Variants in FBXW7 observed in about 807,000 individuals in gnomAD.
FBXW7 encodes F-box/WD repeat-containing protein 7.
A neutral mutation model predicts 86.3 loss-of-function variants in FBXW7; 11 were observed. The observed-to-expected ratio is 0.13, with a 90% CI of 0.08 to 0.21. FBXW7 has a LOEUF of 0.21. Ranked by LOEUF, FBXW7 falls within the 10% of genes least tolerant of loss-of-function variation. The pLI is 1.00. For synonymous variants in FBXW7, 313 were observed against 297.9 expected (o/e 1.05, Z -0.52); for missense variants, 488 against 847.4 (o/e 0.58, Z 5.27).
intron 4 of FBXW7, among the ~76,000 whole-genome samples, chr4:152,354,756 C>T (rs1350698303): frequency 1.3e-5 from 2 of 152,042 alleles, no homozygotes; most frequent in Non-Finnish European, 2.9e-5. Flanking sequence ...AAAACCTGTT[C>T]CCTACAAATA....
intron 4 of FBXW7, among the ~76,000 whole-genome samples, chr4:152,391,584 T>C (rs1198219940): frequency 1.3e-5 from 2 of 152,148 alleles, no homozygotes; most frequent in Admixed American, 6.5e-5. Flanking sequence ...TCTGCAGCTA[T>C]AGGGCTTAGA....
chr4:152,528,951 T>C (rs531407685), intron 2 of FBXW7, among the ~76,000 whole-genome samples: 5 of 152,258 alleles, frequency 3.3e-5, no homozygotes, highest in African/African-American at 1.2e-4. Flanking sequence ...TGTGTGTGTG[T>C]GTGTGTGTAC....
chr4:152,429,655 C>A (rs1739714261), intron 2 of FBXW7, among the ~76,000 whole-genome samples: 1 of 152,166 alleles, frequency 6.6e-6, no homozygotes, highest in Admixed American at 6.5e-5. Context: ...GAGTTTCAAA[C>A]TTGGTAGTGA....
chr4:152,387,708 C>T (rs1193857108), intron 4 of FBXW7, among the ~76,000 whole-genome samples: 4 of 112,792 alleles, frequency 3.5e-5, no homozygotes, highest in Non-Finnish European at 4.9e-5. Flanking sequence ...CATGGCATAC[C>T]TTTTTTTTTT....
chr4:152,369,809 A>G (rs1733846649), intron 4 of FBXW7, among the ~76,000 whole-genome samples: 1 of 151,990 alleles, frequency 6.6e-6, no homozygotes, highest in African/African-American at 2.4e-5. Context: ...GTCAGACAAT[A>G]AAAATGCATT....
At chr4:152,491,856 T>C (rs1745889477) in intron 2 of FBXW7, among the ~76,000 whole-genome samples, 1 of 152,214 alleles carries the variant, frequency 6.6e-6, no homozygotes, top group Non-Finnish European at 1.5e-5. Flanking sequence ...CCCTGTCACC[T>C]AACTCAATTA....
At chr4:152,331,984 A>G (rs1024495429) in intron 8 of FBXW7, among the ~76,000 whole-genome samples, 2 of 152,036 alleles carry the variant, frequency 1.3e-5, no homozygotes, top group African/African-American at 2.4e-5. Flanking sequence ...GGGAATAATC[A>G]CCTATAGAGT....
At chr4:152,425,153 T>G (rs1739269563) in intron 2 of FBXW7, among the ~76,000 whole-genome samples, 1 of 152,268 alleles carries the variant, frequency 6.6e-6, no homozygotes, top group Admixed American at 6.5e-5. Flanking sequence ...GGCATAGATA[T>G]GACAGTGTCA....
At chr4:152,535,076 C>G (rs1750393019) in intron 1 of FBXW7, 43 bp from the exon 2 acceptor site, 2 of 152,918 alleles carry the variant, frequency 1.3e-5, no homozygotes, top group Middle Eastern at 6.8e-3. Context: ...CAGGCGGCAA[C>G]CCGGGTCTCT....
chr4:152,385,848 T>C (rs1253165826), intron 4 of FBXW7, among the ~76,000 whole-genome samples: 3 of 152,074 alleles, frequency 2.0e-5, no homozygotes, highest in Non-Finnish European at 2.9e-5. Flanking sequence ...TTTGTCATAA[T>C]ATATTTTTGG....
intron 4 of FBXW7, among the ~76,000 whole-genome samples, chr4:152,406,904 C>T (rs976299795): frequency 2.6e-5 from 4 of 152,068 alleles, no homozygotes; most frequent in Middle Eastern, 6.8e-3. Context: ...ACAACCGCTG[C>T]GGGGAATGAA....
At chr4:152,346,787 CTTCT>C (rs1731306431) in intron 6 of FBXW7, 139 bp downstream of exon 6, 1 of 1,139,408 alleles carries the variant, frequency 8.8e-7, no homozygotes, top group Non-Finnish European at 1.2e-6. Context: ...TTGTGTCTGG[CTTCT>C]TTCACTTGGC....
chr4:152,477,868 T>G (rs1175517606), intron 2 of FBXW7, among the ~76,000 whole-genome samples: 2 of 152,120 alleles, frequency 1.3e-5, no homozygotes, highest in Non-Finnish European at 2.9e-5. Flanking sequence ...GAAAGGACAA[T>G]AAATAACATG....
Position 152,324,349 on chromosome 4 carries a change from G to A in FBXW7, c.1690C>T (p.Arg564Cys), listed in dbSNP as rs1024060344. ...VVSGSLDTSIRVWDVETGNCI... is the reference protein window; with the variant it reads ...VVSGSLDTSICVWDVETGNCI... ...TTCCCTGTCTCCACATCCCAAACAC[G>A]GATTGATGTATCAAGAGATCCACTC... Residue 564 changes from arginine (R) to cysteine (C), a missense_variant, in exon 13 of 14, where the codon CGT becomes TGT. Around this residue, in one of 4 missense-constraint regions of FBXW7, gnomAD observed 142 missense variants for 406.6 expected, o/e 0.35. Transcript: ENST00000281708. 3.1e-6 allele frequency: 5 copies of A among 1,609,994 alleles called. No individual in the cohort carries two copies. The African/African-American group carries it at 4.0e-5, about 13-fold the overall frequency.
chr4:152,474,397 A>G (rs1744214483), intron 2 of FBXW7, among the ~76,000 whole-genome samples: 1 of 152,222 alleles, frequency 6.6e-6, no homozygotes, highest in Admixed American at 6.5e-5. Flanking sequence ...AATTTTAATT[A>G]TGGCGGTAGA....
chr4:152,439,934 A>G (rs934010850), intron 2 of FBXW7, among the ~76,000 whole-genome samples: 2 of 151,944 alleles, frequency 1.3e-5, no homozygotes, highest in African/African-American at 4.8e-5. Context: ...TACTTCTTCC[A>G]TATGTGCTGT....
intron 2 of FBXW7, among the ~76,000 whole-genome samples, chr4:152,516,639 A>C (rs1485700497): frequency 6.6e-6 from 1 of 152,222 alleles, no homozygotes; most frequent in Non-Finnish European, 1.5e-5. Context: ...ACAATTTCTA[A>C]AACTTCACAT....
chr4:152,395,822 A>G (rs1177688379), intron 4 of FBXW7, among the ~76,000 whole-genome samples: 5 of 152,080 alleles, frequency 3.3e-5, no homozygotes, highest in Admixed American at 6.6e-5. Flanking sequence ...ATAATAGTCC[A>G]TTCTTCTTCC....
chr4:152,531,961 C>T (rs534779456), intron 2 of FBXW7, among the ~76,000 whole-genome samples: 2 of 152,226 alleles, frequency 1.3e-5, no homozygotes, highest in South Asian at 4.1e-4. Flanking sequence ...CCTGCTCATT[C>T]CTTTTTAACT....
Sources: gnomAD v4.1 joint callset for allele counts (sites outside exome capture counted in the v4.1 genomes callset) on GRCh38, gnomAD v4.1.1 for gene constraint, gnomAD v4.1.1 regional missense constraint, MANE v1.5 for transcripts, NCBI Gene and HGNC (gene_info 2026-07-23, HGNC 2026-07-21) for gene names.